EYA1: variants seen among roughly 807,000 people sequenced by gnomAD.
The protein encoded by EYA1 is EYA transcriptional coactivator and phosphatase 1.
EYA1 carries 16 observed loss-of-function variants against 82.0 expected under a neutral mutation model. The ratio of observed to expected loss-of-function variants is 0.20; its 90% CI spans 0.13 to 0.30. The LOEUF is 0.30. Among genes scored for constraint, EYA1 ranks in the 10% least tolerant of loss-of-function variants. The pLI is 1.00. For missense variants in EYA1, 633 were observed against 730.7 expected (o/e 0.87, Z 1.54); for synonymous variants, 261 against 264.4 (o/e 0.99, Z 0.12).
intron 7 of EYA1, among the ~76,000 whole-genome samples, chr8:71,301,904 C>T (rs532982680): frequency 5.7e-4 from 87 of 151,808 alleles, no homozygotes; most frequent in African/African-American, 2.1e-3. Flanking sequence ...TATCAGACTA[C>T]CAGTTTTTGT....
intron 11 of EYA1, among the ~76,000 whole-genome samples, chr8:71,254,844 G>GC (rs926753482): frequency 8.3e-5 from 7 of 83,926 alleles, no homozygotes; most frequent in African/African-American, 3.1e-4. Context: ...CCCCCACCCC[G>GC]CCCCCCACCA....
At chr8:71,506,924 GC>G (rs201597094) in intron 2 of EYA1, among the ~76,000 whole-genome samples, 42 of 135,588 alleles carry the variant, frequency 3.1e-4, no homozygotes, top group African/African-American at 1.1e-3. Flanking sequence ...TATATAAAGG[GC>G]TAATCTGAAC....
intron 3 of EYA1, among the ~76,000 whole-genome samples, chr8:71,343,305 T>C (rs1825352567): frequency 6.6e-6 from 1 of 152,182 alleles, no homozygotes; most frequent in Non-Finnish European, 1.5e-5. Context: ...CTGATTTAGT[T>C]GGTGCTATGG....
At chr8:71,355,667 T>C (rs1254414046) in intron 2 of EYA1, among the ~76,000 whole-genome samples, 1 of 152,180 alleles carries the variant, frequency 6.6e-6, no homozygotes, top group African/African-American at 2.4e-5. Flanking sequence ...AGCTGTCACT[T>C]ACTCTGGGAA....
At chr8:71,328,079 C>T (rs1208763756) in intron 4 of EYA1, among the ~76,000 whole-genome samples, 1 of 151,886 alleles carries the variant, frequency 6.6e-6, no homozygotes, top group Non-Finnish European at 1.5e-5. Flanking sequence ...ATGGTCTTGA[C>T]CTCCTGTCCT....
intron 2 of EYA1, chr8:71,531,091 G>C (rs1046391106): frequency 6.6e-6 from 1 of 152,194 alleles, no homozygotes; most frequent in Non-Finnish European, 1.5e-5. Context: ...CCTGATGCAG[G>C]TGTGATGGTC....
At chr8:71,447,892 G>A (rs1807017329) in intron 2 of EYA1, among the ~76,000 whole-genome samples, 1 of 152,142 alleles carries the variant, frequency 6.6e-6, no homozygotes, top group Non-Finnish European at 1.5e-5. Flanking sequence ...GGTTGCTGAA[G>A]GTTGGGATGG....
chr8:71,356,376 A>T, intron 2 of EYA1, 86 bp downstream of exon 2: 1 of 1,160,844 alleles, frequency 8.6e-7, no homozygotes, highest in Non-Finnish European at 1.2e-6. Context: ...CTATTAATAG[A>T]AATAATTAAG....
chr8:71,444,496 A>G (rs2129173189), intron 2 of EYA1, among the ~76,000 whole-genome samples: 1 of 152,334 alleles, frequency 6.6e-6, no homozygotes, highest in Non-Finnish European at 1.5e-5. Context: ...TTTTGGCACT[A>G]AAAATGTAGC....
chr8:71,326,619 G>A (rs551988762), intron 4 of EYA1, among the ~76,000 whole-genome samples: 1 of 152,300 alleles, frequency 6.6e-6, no homozygotes, highest in Non-Finnish European at 1.5e-5. Flanking sequence ...ACTAAGGCAG[G>A]CCTGTTCCTG....
At chr8:71,320,269 C>A (rs980420379) in intron 6 of EYA1, among the ~76,000 whole-genome samples, 6 of 152,018 alleles carry the variant, frequency 3.9e-5, no homozygotes, top group African/African-American at 1.2e-4. Context: ...GTAGCCAGGG[C>A]AGTGATGGGA....
intron 3 of EYA1, among the ~76,000 whole-genome samples, chr8:71,346,370 T>C (rs943383626): frequency 6.0e-5 from 9 of 148,974 alleles, no homozygotes; most frequent in African/African-American, 2.2e-4. Context: ...AGTATAGATA[T>C]ACTACATGTA....
chr8:71,200,625 G>T (rs1806860645), intron 17 of EYA1, among the ~76,000 whole-genome samples: 1 of 152,168 alleles, frequency 6.6e-6, no homozygotes, highest in East Asian at 1.9e-4. Context: ...TAGATTTCTA[G>T]AAGGATGCTC....
intron 17 of EYA1, among the ~76,000 whole-genome samples, chr8:71,201,432 C>T (rs1806997558): frequency 6.7e-6 from 1 of 150,244 alleles, no homozygotes; most frequent in African/African-American, 2.4e-5. Context: ...TTCAAACTAA[C>T]TCTCTCTCTC....
At chr8:71,417,565 T>A (rs1400836294) in intron 2 of EYA1, among the ~76,000 whole-genome samples, 5 of 152,194 alleles carry the variant, frequency 3.3e-5, no homozygotes, top group Non-Finnish European at 7.3e-5. Flanking sequence ...TTGTAGTGAT[T>A]ATGAATAAAG....
chr8:71,398,618 C>A (rs2129123839), intron 2 of EYA1, among the ~76,000 whole-genome samples: 1 of 152,308 alleles, frequency 6.6e-6, no homozygotes, highest in East Asian at 1.9e-4. Context: ...GCAAATATTG[C>A]AGAACAGCAA....
chr8:71,199,259 C>A lies in EYA1; in HGVS notation c.*81G>T, dbSNP rs1238393141. 3 of 1,029,018 alleles carry A rather than the reference C, an allele frequency of 2.9e-6. No individual in the cohort carries two copies. The highest frequency in any genetic ancestry group is 4.4e-6 in the Non-Finnish European group (3 of 677,922). The allele number at this position is 1,029,018 out of a possible 1,614,324, so 63.7% of individuals were successfully genotyped here. ...GCGGAAATTGCTAAGTTCTGGAGGC[C>A]GGCGCTGATGCGAGACTGGGGCCTG... is the stretch of plus-strand genomic sequence containing the variant. On this transcript the variant is annotated 3_prime_UTR_variant, in exon 18 of 18. Coordinates refer to ENST00000340726, the MANE Select transcript of EYA1 (RefSeq NM_000503.6).
chr8:71,541,878 T>C (rs1016885164), intron 1 of EYA1, among the ~76,000 whole-genome samples: 1 of 152,174 alleles, frequency 6.6e-6, no homozygotes, highest in Non-Finnish European at 1.5e-5. Context: ...ATACAATATA[T>C]CACAGAAACA....
chr8:71,491,618 C>T (rs1321314340), intron 2 of EYA1, among the ~76,000 whole-genome samples: 1 of 152,174 alleles, frequency 6.6e-6, no homozygotes, highest in Non-Finnish European at 1.5e-5. Context: ...TCAGAAGAAA[C>T]CAATCCTGCT....
Sources: gnomAD v4.1 joint callset for allele counts (sites outside exome capture counted in the v4.1 genomes callset) on GRCh38, gnomAD v4.1.1 for gene constraint, MANE v1.5 for transcripts, NCBI Gene and HGNC (gene_info 2026-07-23, HGNC 2026-07-21) for gene names.